The following CRYGN variants were observed in gnomAD, a reference collection of about 807,000 sequenced individuals.
CRYGN encodes the protein gamma-crystallin N.
CRYGN carries 17 observed loss-of-function variants against 19.2 expected under a neutral mutation model. The observed-to-expected ratio is 0.89, with a 90% CI of 0.61 to 1.33. CRYGN has a LOEUF of 1.33. Among genes scored for constraint, CRYGN ranks in the 40% most tolerant of loss-of-function variants. The probability of loss-of-function intolerance (pLI) is 0.00; values close to 1 mark genes in which losing one functional copy is unlikely to be tolerated. For missense variants in CRYGN, 239 were observed against 239.6 expected, an observed-to-expected ratio of 1.00 and a Z score of 0.02; for synonymous variants, 84 against 85.8, an observed-to-expected ratio of 0.98 and a Z score of 0.12.
chr7:151,432,297 G>T, intron 3 of CRYGN: 2 of 1,222,938 alleles, frequency 1.6e-6, no homozygotes, highest in Non-Finnish European at 2.0e-6. Context: ...TGGAGGCCAG[G>T]GGAGTGGGGA....
rs1801584887 is a variant in CRYGN at position 151,435,656 on chromosome 7, G to C, written c.416+524C>G. Among the ~76,000 whole-genome samples, 1 of 152,090 alleles carries C rather than the reference G, an allele frequency of 6.6e-6. No homozygotes were observed. The highest frequency in any genetic ancestry group is 2.1e-4 in the South Asian group (1 of 4,830). Reference sequence around the variant, plus strand: ...TCCATCTCCTCCCAGAGGCCAGGGTGGTGGGGGTTTGCAGAGAGGCCCGGT... The same window carrying C: ...TCCATCTCCTCCCAGAGGCCAGGGTCGTGGGGGTTTGCAGAGAGGCCCGGT... On this transcript the variant is annotated intron_variant, in intron 3 of 3. Coordinates refer to ENST00000337323, the MANE Select transcript of CRYGN (RefSeq NM_144727.3). The surrounding 1 kb of genome is among the most constrained non-coding windows in gnomAD (Gnocchi z 4.2).
In CRYGN at chr7:151,429,400, T is replaced by C. The variant is rs1488061759; in HGVS notation, c.*648A>G. 1 of 156,282 alleles carries C rather than the reference T, an allele frequency of 6.4e-6. No homozygotes were observed. The highest frequency in any genetic ancestry group is 2.4e-5 in the African/African-American group (1 of 41,448). The allele number at this position is 156,282 out of a possible 1,614,324, so 9.7% of individuals were successfully genotyped here. Reference sequence around the variant, plus strand: ...TTTGGCTTTTACAAGGGTATACAGTTGGTACAGCAGACATGATTGCACTCA... The same window carrying C: ...TTTGGCTTTTACAAGGGTATACAGTCGGTACAGCAGACATGATTGCACTCA... On this transcript the variant is annotated 3_prime_UTR_variant, in exon 4 of 4. Transcript: ENST00000337323.
intron 2 of CRYGN, chr7:151,437,738 G>C: frequency 8.8e-7 from 1 of 1,131,056 alleles, no homozygotes; most frequent in African/African-American, 1.6e-5. Context: ...AATGCAGCTA[G>C]ATTTTTGGCT....
chr7:151,440,163 C>T (rs1017221760), upstream of CRYGN: 15 of 1,243,646 alleles, frequency 1.2e-5, no homozygotes, highest in Admixed American at 4.2e-4. Context: ...CTCCTTCCTC[C>T]CTGAGCCCTC....
At position 151,439,912 on chromosome 7, in the gene CRYGN, C is replaced by T. The variant is rs760811470; in HGVS notation, c.6G>A (p.Ala2=). ...ACGCACTCACCTTCCCCGAGCGCTGCGCCATGGTGCGCCCCGCCCCTTCCG... is the reference window on the plus strand; with the variant it reads ...ACGCACTCACCTTCCCCGAGCGCTGTGCCATGGTGCGCCCCGCCCCTTCCG... The part of the protein sequence containing the change: M[A]QRSGKITLYE... The change falls in exon 1 of 4, where the codon GCG becomes GCA. Residue 2 remains alanine, a synonymous_variant. Coordinates refer to ENST00000337323, the MANE Select transcript of CRYGN (RefSeq NM_144727.3). 2.6e-6 allele frequency: 4 copies of T among 1,548,116 alleles called. No individual in the cohort carries two copies. Among genetic ancestry groups the T allele is most frequent in the Non-Finnish European group, 3.5e-6 (4 of 1,148,492 alleles).
At chr7:151,440,215 G>T (rs74450697), upstream of CRYGN, 6 of 690,960 alleles carry the variant, frequency 8.7e-6, no homozygotes, top group African/African-American at 3.8e-5. Context: ...CTGGAGTGGT[G>T]GGGGGAGGAG....
Position 151,436,089 on chromosome 7 carries a change from C to T in CRYGN, c.416+91G>A, listed in dbSNP as rs1412289731. ...TGCTGGAGGTCTCATTCCCACCCCA[C>T]CCACCACCCCTGTGTGGCGGGCAGC... On this transcript the variant is annotated intron_variant, in intron 3 of 3. Transcript: ENST00000337323. This position sits in a 1 kb window ranked among gnomAD's most constrained non-coding sequence, Gnocchi z 5.1. 2 of 1,088,182 alleles carry T rather than the reference C, an allele frequency of 1.8e-6. No homozygotes were observed. Among genetic ancestry groups the T allele is most frequent in the African/African-American group, 3.2e-5 (2 of 61,572 alleles). 67.4% of individuals were successfully genotyped at this position (1,088,182 alleles called of 1,614,324 possible).
rs569505303 is a variant in CRYGN at position 151,436,667 on chromosome 7, G to A, written c.271-342C>T. Reference sequence around the variant, plus strand: ...ACGGGGCTCCCTCTGGGTGCTCAGCGTGGGGGACTCCGGCCCTGATCACAG... The same window carrying A: ...ACGGGGCTCCCTCTGGGTGCTCAGCATGGGGGACTCCGGCCCTGATCACAG... On this transcript the variant is annotated intron_variant, in intron 2 of 3. Transcript: ENST00000337323. The surrounding 1 kb of genome is among the most constrained non-coding windows in gnomAD (Gnocchi z 5.1). Among the ~76,000 whole-genome samples the A allele has an allele frequency of 1.1e-4, 17 of 152,266 alleles. No individual in the cohort carries two copies. Among genetic ancestry groups the A allele is most frequent in the South Asian group, 1.0e-3 (5 of 4,826 alleles).
intron 1 of CRYGN, among the ~76,000 whole-genome samples, chr7:151,438,447 G>A (rs1801678412): frequency 6.6e-6 from 1 of 152,196 alleles, no homozygotes. Flanking sequence ...GCCATACACA[G>A]CTACTGTTCC....
At chr7:151,437,912 C>T (rs1229179784) in intron 2 of CRYGN, 84 bp downstream of exon 2, 1 of 1,597,762 alleles carries the variant, frequency 6.3e-7, no homozygotes, top group East Asian at 2.2e-5. Context: ...ACCACGCTCC[C>T]CGATTCCTTG....
Position 151,431,988 on chromosome 7 carries a change from G to C in CRYGN, c.417-1808C>G, listed in dbSNP as rs111969841. The C allele has an allele frequency of 6.7e-5, 26 of 390,144 alleles. No individual in the cohort carries two copies. Among genetic ancestry groups the C allele is most frequent in the Non-Finnish European group, 9.9e-5 (22 of 222,200 alleles). 24.2% of individuals were successfully genotyped at this position (390,144 alleles called of 1,614,324 possible). On this transcript the variant is annotated intron_variant, in intron 3 of 3. Coordinates refer to ENST00000337323, the MANE Select transcript of CRYGN (RefSeq NM_144727.3). The surrounding 1 kb of genome is among the most constrained non-coding windows in gnomAD (Gnocchi z 4.8). ...CCGGGAAAGCGCCCTGGATCATCCAGCTCCTCCCAGGGCTGGGATGCCCAC... is the reference window on the plus strand; with the variant it reads ...CCGGGAAAGCGCCCTGGATCATCCACCTCCTCCCAGGGCTGGGATGCCCAC...
intron 2 of CRYGN, 112 bp downstream of exon 2, chr7:151,437,884 G>T (rs1209593905): frequency 6.4e-7 from 1 of 1,568,722 alleles, no homozygotes; most frequent in African/African-American, 1.3e-5. Flanking sequence ...CAGTCTTACA[G>T]ACTTTAAAGC....
chr7:151,435,416 A>C lies in CRYGN; in HGVS notation c.416+764T>G, dbSNP rs1256360416. ...GAACGGGGGCGATAATATCTACCTG[A>C]CCTAGAGGTGTGGGCTGGACAATGA... On this transcript the variant is annotated intron_variant, in intron 3 of 3. Coordinates refer to ENST00000337323, the MANE Select transcript of CRYGN (RefSeq NM_144727.3). This position sits in a 1 kb window ranked among gnomAD's most constrained non-coding sequence, Gnocchi z 4.2. Among the ~76,000 whole-genome samples the C allele has an allele frequency of 6.6e-6, 1 of 152,104 alleles. No homozygotes were observed. Among genetic ancestry groups the C allele is most frequent in the Non-Finnish European group, 1.5e-5 (1 of 68,024 alleles).
In CRYGN at chr7:151,438,061, A is replaced by G; in HGVS notation, c.205T>C (p.Tyr69His). The change falls in exon 2 of 4, where the codon TAC becomes CAC. Residue 69 changes from tyrosine to histidine, a missense_variant. Transcript: ENST00000337323. The part of the protein sequence containing the change: ...GQQFILEHGD[Y>H]PDFFRWNSHS... ...CTGTTCCAGCGGAAGAAGTCGGGGT[A>G]GTCGCCGTGCTCCAAGATGAACTGC... 1 of 1,614,096 alleles carries G rather than the reference A, an allele frequency of 6.2e-7. No homozygotes were observed. Among genetic ancestry groups the G allele is most frequent in the Non-Finnish European group, 8.5e-7 (1 of 1,180,028 alleles).
chr7:151,440,119 G>T lies in CRYGN; in HGVS notation c.-202C>A. The T allele has an allele frequency of 2.2e-6, 3 of 1,359,364 alleles. No homozygotes were observed. In the South Asian group the frequency reaches 5.4e-5, roughly 24 times the overall value. The allele number at this position is 1,359,364 out of a possible 1,614,324, so 84.2% of individuals were successfully genotyped here. ...GCGAGTGCAGCCCGCCCTGCCCGGG[G>T]TCTCCCTGTGCTCTCCGCGTTTAGC... On this transcript the variant is annotated 5_prime_UTR_variant, in exon 1 of 4. Transcript: ENST00000337323.
In CRYGN at chr7:151,433,235, G is replaced by A. The variant is rs73476453; in HGVS notation, c.416+2945C>T. On this transcript the variant is annotated intron_variant, in intron 3 of 3. Transcript: ENST00000337323. The surrounding 1 kb of genome is among the most constrained non-coding windows in gnomAD (Gnocchi z 5.1). Reference sequence around the variant, plus strand: ...GCTGGTGGGGGCAGGAGAGAACACAGCTCTTCATCACCCAGGAAGCTGTGG... The same window carrying A: ...GCTGGTGGGGGCAGGAGAGAACACAACTCTTCATCACCCAGGAAGCTGTGG... Among the ~76,000 whole-genome samples, 3,655 of 152,318 alleles carry A rather than the reference G, an allele frequency of 0.024. 112 individuals carry two copies. The highest frequency in any genetic ancestry group is 0.066 in the African/African-American group (2,729 of 41,562).
intron 3 of CRYGN, among the ~76,000 whole-genome samples, chr7:151,432,736 G>A (rs1468776160): frequency 3.9e-5 from 6 of 152,174 alleles, no homozygotes; most frequent in South Asian, 2.1e-4. Context: ...CCAGGGAGGC[G>A]GAGGTTGCAG....
chr7:151,437,231 C>T (rs1801633632), intron 2 of CRYGN, among the ~76,000 whole-genome samples: 3 of 152,172 alleles, frequency 2.0e-5, no homozygotes, highest in Admixed American at 6.5e-5. Context: ...AGATGTTCAC[C>T]AGAACCACCC....
At position 151,429,817 on chromosome 7, in the gene CRYGN, G is replaced by A; in HGVS notation, c.*231C>T. On this transcript the variant is annotated 3_prime_UTR_variant, in exon 4 of 4. Transcript: ENST00000337323. Reference sequence around the variant, plus strand: ...GATTGTGGAGGCCTGAGGCCAGCAGGGTGCCAAGGCCCAAGGAGGCTGTGG... The same window carrying A: ...GATTGTGGAGGCCTGAGGCCAGCAGAGTGCCAAGGCCCAAGGAGGCTGTGG... The A allele has an allele frequency of 3.5e-6, 2 of 572,474 alleles. No individual in the cohort carries two copies. Among genetic ancestry groups the A allele is most frequent in the Non-Finnish European group, 6.3e-6 (2 of 319,744 alleles). 35.5% of individuals were successfully genotyped at this position (572,474 alleles called of 1,614,324 possible).
Sources: gnomAD v4.1 joint callset for allele counts (sites outside exome capture counted in the v4.1 genomes callset) on GRCh38, gnomAD v4.1.1 for gene constraint, Gnocchi (gnomAD v3.1) non-coding constraint, MANE v1.5 for transcripts, NCBI Gene and HGNC (gene_info 2026-07-23, HGNC 2026-07-21) for gene names.